Variants in SPEF2 observed in about 807,000 individuals in gnomAD.
SPEF2 encodes the protein sperm flagella and cilia-associated protein 2.
SPEF2 carries 187 observed loss-of-function variants against 224.6 expected under a neutral mutation model. The observed-to-expected ratio is 0.83, with a 90% CI of 0.74 to 0.94. SPEF2 has a LOEUF of 0.94. SPEF2 is among the 40% of genes least tolerant of loss of function. The pLI is 0.00. For synonymous variants in SPEF2, 715 were observed against 707.3 expected, an observed-to-expected ratio of 1.01 and a Z score of -0.17; for missense variants, 2,170 against 2,135.6, an observed-to-expected ratio of 1.02 and a Z score of -0.32.
At chr5:35,717,155 C>T (rs902364723) in intron 20 of SPEF2, among the ~76,000 whole-genome samples, 1 of 152,114 alleles carries the variant, frequency 6.6e-6, no homozygotes, top group African/African-American at 2.4e-5. Context: ...TCAGAAAATG[C>T]CAAGTTACAT....
rs906011212 is a variant in SPEF2 at position 35,671,524 on chromosome 5, G to C, written c.1524+1297G>C. Reference sequence around the variant, plus strand: ...GAAAATGCTTTGACAGTATCAACCTGTGTTAAGGTATTTCTTTCCATTGTA... The same window carrying C: ...GAAAATGCTTTGACAGTATCAACCTCTGTTAAGGTATTTCTTTCCATTGTA... On this transcript the variant is annotated intron_variant, in intron 10 of 36. Coordinates refer to ENST00000356031, the MANE Select transcript of SPEF2 (RefSeq NM_024867.4). The C allele has an allele frequency of 6.3e-5, 62 of 982,894 alleles. No individual in the cohort carries two copies. In the Admixed American group the frequency reaches 9.8e-4, roughly 16 times the overall value. The allele number at this position is 982,894 out of a possible 1,614,324, so 60.9% of individuals were successfully genotyped here. A position where few individuals can be genotyped will look rare whatever the true frequency, so the allele number is the denominator to read the frequency against.
chr5:35,618,871 C>CTTTTTTTT (rs373293181), intron 1 of SPEF2, among the ~76,000 whole-genome samples: 1 of 149,310 alleles, frequency 6.7e-6, no homozygotes, highest in African/African-American at 2.5e-5. Context: ...TTTTGTTTGT[C>CTTTTTTTT]TTTTTTTCTT....
chr5:35,732,011 A>C (rs933678039), intron 21 of SPEF2, among the ~76,000 whole-genome samples: 20 of 152,184 alleles, frequency 1.3e-4, no homozygotes, highest in Non-Finnish European at 7.3e-5. Flanking sequence ...ACAGACCAAT[A>C]ATTTATACAT....
intron 23 of SPEF2, among the ~76,000 whole-genome samples, chr5:35,751,024 C>CAT (rs1491524547): frequency 2.3e-5 from 2 of 85,690 alleles, no homozygotes; most frequent in African/African-American, 9.9e-5. Flanking sequence ...TATATATATA[C>CAT]GTATATATAT....
intron 15 of SPEF2, chr5:35,698,244 T>G (rs1168475040): frequency 6.5e-6 from 1 of 154,434 alleles, no homozygotes; most frequent in Non-Finnish European, 1.4e-5. Flanking sequence ...GAAGCAGAAC[T>G]GAGTAGTGAG....
intron 1 of SPEF2, among the ~76,000 whole-genome samples, chr5:35,624,723 G>A (rs1181560401): frequency 2.6e-5 from 4 of 152,176 alleles, no homozygotes; most frequent in African/African-American, 4.8e-5. Flanking sequence ...TGCAACCTCC[G>A]CCTCCTGGGT....
At chr5:35,737,641 C>T (rs1173522414) in intron 21 of SPEF2, among the ~76,000 whole-genome samples, 1 of 152,064 alleles carries the variant, frequency 6.6e-6, no homozygotes, top group Non-Finnish European at 1.5e-5. Context: ...GGTTCCAAGT[C>T]TTTGCTATTG....
At chr5:35,690,725 A>G (rs995460535) in intron 10 of SPEF2, among the ~76,000 whole-genome samples, 3 of 152,138 alleles carry the variant, frequency 2.0e-5, no homozygotes, top group African/African-American at 4.8e-5. Flanking sequence ...ACTGTCTTTT[A>G]TCTGCTTACT....
chr5:35,765,334 C>G (rs933021588), intron 26 of SPEF2, among the ~76,000 whole-genome samples: 3 of 152,052 alleles, frequency 2.0e-5, no homozygotes, highest in African/African-American at 4.8e-5. Context: ...ATTTAACCAG[C>G]CTGCTTTTGA....
chr5:35,746,909 A>C (rs1436565839), intron 23 of SPEF2, among the ~76,000 whole-genome samples: 1 of 152,200 alleles, frequency 6.6e-6, no homozygotes, highest in Non-Finnish European at 1.5e-5. Context: ...GAATTTTCAG[A>C]GCTGTGAGAC....
rs549215323 is a variant in SPEF2 at position 35,688,243 on chromosome 5, T to G, written c.1525-2794T>G. Among the ~76,000 whole-genome samples the G allele has an allele frequency of 3.1e-3, 473 of 151,818 alleles. 26 individuals carry two copies. The South Asian group carries it at 0.095, about 30-fold the overall frequency. ...TATTACTTCTAGAGACAGTGCTGCT[T>G]CTTTCTTTTTCTTATTTTGTTGCAC... On this transcript the variant is annotated intron_variant, in intron 10 of 36. Coordinates refer to ENST00000356031, the MANE Select transcript of SPEF2 (RefSeq NM_024867.4).
At chr5:35,646,877 T>C (rs1157926269) in intron 5 of SPEF2, 70 bp downstream of exon 5, 11 of 1,505,510 alleles carry the variant, frequency 7.3e-6, no homozygotes, top group South Asian at 1.3e-5. Flanking sequence ...CTGGAACATA[T>C]AGAGAGACTT....
chr5:35,709,704 T>C, intron 19 of SPEF2: 1 of 985,426 alleles, frequency 1.0e-6, no homozygotes, highest in South Asian at 4.7e-5. Context: ...AAGTTTGTTC[T>C]AGATCCTTAA....
intron 3 of SPEF2, 41 bp downstream of exon 3, chr5:35,641,724 A>C (rs766343387): frequency 6.4e-7 from 1 of 1,571,318 alleles, no homozygotes; most frequent in Non-Finnish European, 8.6e-7. Flanking sequence ...TCACAGTGTA[A>C]AATTTGATAA....
intron 27 of SPEF2, among the ~76,000 whole-genome samples, chr5:35,772,323 C>A (rs1752979086): frequency 6.6e-6 from 1 of 152,162 alleles, no homozygotes; most frequent in Non-Finnish European, 1.5e-5. Context: ...ACTCACTCCA[C>A]TCATAGATTG....
intron 5 of SPEF2, among the ~76,000 whole-genome samples, chr5:35,648,704 T>C (rs1427032347): frequency 6.6e-6 from 1 of 152,152 alleles, no homozygotes. Context: ...ATTAATAGTG[T>C]AAATAAAGTT....
At chr5:35,751,242 C>T (rs1462283000) in intron 23 of SPEF2, among the ~76,000 whole-genome samples, 2 of 146,710 alleles carry the variant, frequency 1.4e-5, no homozygotes, top group East Asian at 4.1e-4. Flanking sequence ...ATTATGTTCT[C>T]ACTGATTTGT....
chr5:35,766,959 G>C (rs1430112351), intron 26 of SPEF2, among the ~76,000 whole-genome samples: 1 of 151,552 alleles, frequency 6.6e-6, no homozygotes, highest in Non-Finnish European at 1.5e-5. Flanking sequence ...GTTGCCTTAT[G>C]GTCAATTTTT....
intron 9 of SPEF2, among the ~76,000 whole-genome samples, chr5:35,669,106 A>G (rs1750895044): frequency 6.6e-6 from 1 of 151,942 alleles, no homozygotes; most frequent in African/African-American, 2.4e-5. Context: ...GATAATCTCT[A>G]TCCTACTTGA....
Sources: gnomAD v4.1 joint callset for allele counts (sites outside exome capture counted in the v4.1 genomes callset) on GRCh38, gnomAD v4.1.1 for gene constraint, MANE v1.5 for transcripts, NCBI Gene and HGNC (gene_info 2026-07-23, HGNC 2026-07-21) for gene names.